CRYZ: variants seen among roughly 807,000 people sequenced by gnomAD.
CRYZ encodes zeta-crystallin.
CRYZ carries 35 observed loss-of-function variants against 34.1 expected under a neutral mutation model. That is an observed-to-expected ratio of 1.03 (90% CI 0.78 to 1.36). The LOEUF (loss-of-function observed/expected upper bound fraction) is 1.36. Ranked by LOEUF, CRYZ falls within the 40% of genes most tolerant of loss-of-function variation. The pLI is 0.00. For synonymous variants in CRYZ, 137 were observed against 136.5 expected, an observed-to-expected ratio of 1.00 and a Z score of -0.03; for missense variants, 403 against 391.8, an observed-to-expected ratio of 1.03 and a Z score of -0.24.
At chr1:74,726,297 C>T (rs1422163821) in intron 1 of CRYZ, among the ~76,000 whole-genome samples, 1 of 152,254 alleles carries the variant, frequency 6.6e-6, no homozygotes, top group Non-Finnish European at 1.5e-5. Context: ...AATTTCCACA[C>T]AACCTCTGAA....
intron 3 of CRYZ, among the ~76,000 whole-genome samples, chr1:74,721,262 G>T (rs1042021736): frequency 6.6e-6 from 1 of 152,140 alleles, no homozygotes; most frequent in Non-Finnish European, 1.5e-5. Flanking sequence ...ATTTAATTCT[G>T]TCAATTAGAA....
intron 1 of CRYZ, among the ~76,000 whole-genome samples, chr1:74,727,550 TCAACCCGG>T (rs1261284322): frequency 8.2e-6 from 1 of 122,006 alleles, no homozygotes; most frequent in Non-Finnish European, 1.7e-5. Flanking sequence ...GAGAATGGCG[TCAACCCGG>T]CAGGTGGAGC....
intron 2 of CRYZ, among the ~76,000 whole-genome samples, 187 bp downstream of exon 2, chr1:74,724,524 A>G (rs1198850381): frequency 1.3e-5 from 2 of 152,206 alleles, no homozygotes; most frequent in African/African-American, 4.8e-5. Flanking sequence ...ATTCTTTTTC[A>G]TACATCTACT....
intron 5 of CRYZ, among the ~76,000 whole-genome samples, chr1:74,712,834 G>T (rs1245772872): frequency 1.3e-5 from 2 of 152,116 alleles, no homozygotes; most frequent in East Asian, 3.9e-4. Flanking sequence ...AAAAGGCACT[G>T]TTTATTCTAT....
intron 2 of CRYZ, among the ~76,000 whole-genome samples, chr1:74,723,602 T>C (rs974191218): frequency 2.0e-5 from 3 of 152,218 alleles, no homozygotes; most frequent in East Asian, 3.8e-4. Flanking sequence ...GCCTCCCTCA[T>C]GGTTATGAGT....
At chr1:74,707,018 A>G in intron 7 of CRYZ, 24 bp from the exon 8 acceptor site, 1 of 1,602,630 alleles carries the variant, frequency 6.2e-7, no homozygotes, top group South Asian at 1.1e-5. Flanking sequence ...CAGCAATTCT[A>G]CAGTTAAAGA....
At chr1:74,706,742 A>T (rs1428912215) in intron 8 of CRYZ, among the ~76,000 whole-genome samples, 157 bp downstream of exon 8, 1 of 152,118 alleles carries the variant, frequency 6.6e-6, no homozygotes, top group East Asian at 1.9e-4. Context: ...GATATAAATT[A>T]TACTGTCACC....
chr1:74,714,695 A>C (rs1291457191), intron 4 of CRYZ, 65 bp from the exon 5 acceptor site: 1 of 1,564,600 alleles, frequency 6.4e-7, no homozygotes, highest in Non-Finnish European at 8.8e-7. Flanking sequence ...GGGTGTTTTC[A>C]TCATCTTAAG....
At chr1:74,713,962 C>T (rs1411931789) in intron 5 of CRYZ, among the ~76,000 whole-genome samples, 1 of 152,040 alleles carries the variant, frequency 6.6e-6, no homozygotes. Context: ...TTTCTGACAG[C>T]CCTGCATTGG....
chr1:74,727,697 T>C (rs1031882344), intron 1 of CRYZ, among the ~76,000 whole-genome samples: 1 of 144,186 alleles, frequency 6.9e-6, no homozygotes, highest in African/African-American at 2.6e-5. Context: ...CTTACTATCA[T>C]GGGAATAGCA....
chr1:74,711,858 CA>C (rs1647008659), intron 5 of CRYZ, among the ~76,000 whole-genome samples: 1 of 152,116 alleles, frequency 6.6e-6, no homozygotes, highest in Non-Finnish European at 1.5e-5. Flanking sequence ...AGTATGGACT[CA>C]AAAGGGTTCA....
At chr1:74,729,699 A>G (rs1469796810) in intron 1 of CRYZ, among the ~76,000 whole-genome samples, 3 of 152,082 alleles carry the variant, frequency 2.0e-5, no homozygotes, top group Non-Finnish European at 4.4e-5. Context: ...TGTTATGAAA[A>G]AAATATACTC....
chr1:74,724,033 T>C (rs1647218425), intron 2 of CRYZ, among the ~76,000 whole-genome samples: 1 of 151,968 alleles, frequency 6.6e-6, no homozygotes, highest in African/African-American at 2.4e-5. Context: ...AGAGAAAGGA[T>C]AGGTTGGGTA....
chr1:74,710,062 A>G (rs1488910044), intron 6 of CRYZ, 36 bp downstream of exon 6: 9 of 1,590,992 alleles, frequency 5.7e-6, no homozygotes, highest in Non-Finnish European at 7.7e-6. Context: ...TCCAAGGAAC[A>G]AAGTTTGACT....
chr1:74,715,015 T>G (rs774460073), intron 4 of CRYZ, among the ~76,000 whole-genome samples: 1 of 152,150 alleles, frequency 6.6e-6, no homozygotes, highest in Non-Finnish European at 1.5e-5. Context: ...AGGTTTATTA[T>G]ATAGCTCAGT....
chr1:74,723,316 C>A, intron 2 of CRYZ, 46 bp from the exon 3 acceptor site: 2 of 1,583,996 alleles, frequency 1.3e-6, no homozygotes, highest in South Asian at 1.1e-5. Flanking sequence ...TTTAGGCATT[C>A]ATTTAACTTT....
Position 74,706,251 on chromosome 1 carries a change from G to C in CRYZ, c.*45C>G. ...ATAGGGTAAGTACAACTGGGGGAAA[G>C]ACAGTACCTCTAATTACATAGGAAA... On this transcript the variant is annotated 3_prime_UTR_variant, in exon 9 of 9. Transcript: ENST00000340866. 1 of 1,489,196 alleles carries C rather than the reference G, an allele frequency of 6.7e-7. No homozygotes were observed. The highest frequency in any genetic ancestry group is 9.1e-7 in the Non-Finnish European group (1 of 1,100,930). The allele number at this position is 1,489,196 out of a possible 1,614,324, so 92.2% of individuals were successfully genotyped here.
At position 74,719,297 on chromosome 1, in the gene CRYZ, C is replaced by G. The variant is rs142737449; in HGVS notation, c.340G>C (p.Val114Leu). The change falls in exon 4 of 9, where the codon GTT becomes CTT. Residue 114 changes from valine (V) to leucine (L), a missense_variant. Val to Leu is a conservative substitution (Grantham distance 32). Coordinates refer to ENST00000340866, the MANE Select transcript of CRYZ (RefSeq NM_001889.4). ...AEYALAADHT[V>L]YKLPEKLDFK... is the part of the protein sequence containing the mutation. ...TCCAGTTTTTCAGGTAGTTTGTAAA[C>G]AGTGTGGTCTGCTGCAAGAGCATAC... 8.7e-6 allele frequency: 14 copies of G among 1,613,898 alleles called. No homozygotes were observed. In the South Asian group the frequency reaches 1.3e-4, roughly 15 times the overall value.
chr1:74,706,843 T>A (rs1370914539), intron 8 of CRYZ, 56 bp downstream of exon 8: 1 of 1,412,242 alleles, frequency 7.1e-7, no homozygotes, highest in Non-Finnish European at 1.0e-6. Context: ...CTTGCCTGAG[T>A]AGGCAAACTG....
Sources: allele counts gnomAD v4.1 joint callset (sites outside exome capture counted in the v4.1 genomes callset), GRCh38; gene constraint gnomAD v4.1.1; transcripts MANE v1.5; gene names NCBI Gene and HGNC (gene_info 2026-07-23, HGNC 2026-07-21).